F2: variants seen among roughly 807,000 people sequenced by gnomAD.
F2 encodes the protein coagulation factor II, thrombin.
A neutral mutation model predicts 81.9 loss-of-function variants in F2; 34 were observed. The observed-to-expected ratio is 0.42, with a 90% CI of 0.32 to 0.55. The LOEUF (loss-of-function observed/expected upper bound fraction) is 0.55. Ranked by LOEUF, F2 falls within the 20% of genes least tolerant of loss-of-function variation. F2 has a pLI of 0.18. For missense variants in F2, 630 were observed against 833.4 expected, an observed-to-expected ratio of 0.76 and a Z score of 3.00; for synonymous variants, 296 against 326.4, an observed-to-expected ratio of 0.91 and a Z score of 1.01.
chr11:46,729,601 C>G, intron 12 of F2, 40 bp downstream of exon 12: 1 of 1,596,790 alleles, frequency 6.3e-7, no homozygotes, highest in South Asian at 1.1e-5. Flanking sequence ...CAGTGGGGCC[C>G]AAGCTGGGAG....
At chr11:46,730,798 A>G (rs2064906279) in intron 12 of F2, among the ~76,000 whole-genome samples, 1 of 150,850 alleles carries the variant, frequency 6.6e-6, no homozygotes, top group African/African-American at 2.4e-5. Flanking sequence ...ATATATATAT[A>G]TGCATAGTTT....
At chr11:46,727,514 A>T (rs908049974) in intron 9 of F2, among the ~76,000 whole-genome samples, 52 of 152,022 alleles carry the variant, frequency 3.4e-4, no homozygotes, top group African/African-American at 1.2e-3. Context: ...GCAGTGGCTC[A>T]CCCCTGTAAT....
At chr11:46,724,918 G>A (rs1406862956) in intron 6 of F2, among the ~76,000 whole-genome samples, 1 of 150,534 alleles carries the variant, frequency 6.6e-6, no homozygotes, top group Non-Finnish European at 1.5e-5. Context: ...TTACAGGCGT[G>A]TGCCACCACT....
chr11:46,720,147 C>T (rs1027864861), intron 2 of F2: 54 of 559,168 alleles, frequency 9.7e-5, no homozygotes, highest in African/African-American at 1.3e-4. Flanking sequence ...GCCTCCTCAG[C>T]GGCAGACTCC....
chr11:46,731,692 A>T (rs1207302413), intron 12 of F2, among the ~76,000 whole-genome samples: 1 of 151,868 alleles, frequency 6.6e-6, no homozygotes, highest in Admixed American at 6.6e-5. Context: ...CTGGCCCTGA[A>T]TCCGGGTTTG....
Position 46,719,599 on chromosome 11 carries a change from T to C in F2, c.80-103T>C. 1 of 1,460,552 alleles carries C rather than the reference T, an allele frequency of 6.8e-7. No individual in the cohort carries two copies. The highest frequency in any genetic ancestry group is 9.3e-7 in the Non-Finnish European group (1 of 1,074,906). 90.5% of individuals were successfully genotyped at this position (1,460,552 alleles called of 1,614,324 possible). On this transcript the variant is annotated intron_variant, in intron 1 of 13. Transcript: ENST00000311907. This position sits in a 1 kb window ranked among gnomAD's most constrained non-coding sequence, Gnocchi z 4.7. Reference sequence around the variant, plus strand: ...CTTCCACCAGCCCAGACAGCCTCTCTCAGAAGCCAGCAGGGGAGGGTGGGC... The same window carrying C: ...CTTCCACCAGCCCAGACAGCCTCTCCCAGAAGCCAGCAGGGGAGGGTGGGC...
In F2 at chr11:46,739,064, A is replaced by C. The variant is rs1429235359; in HGVS notation, c.1671A>C (p.Glu557Asp). The change falls in exon 13 of 14, where the codon GAA (glutamate) becomes GAC (aspartate). Residue 557 changes from glutamate to aspartate, a missense_variant. By Grantham distance (45) the Glu-to-Asp change is conservative. Coordinates refer to ENST00000311907, the MANE Select transcript of F2 (RefSeq NM_000506.5). ...TCTTTCAAGGTTACAAGCCTGATGA[A>C]GGGAAACGAGGGGATGCCTGTGAAG... Reference protein sequence around the residue: ...NMFCAGYKPDEGKRGDACEGD... With the variant: ...NMFCAGYKPDDGKRGDACEGD... 3 of 1,614,080 alleles carry C rather than the reference A, an allele frequency of 1.9e-6. No individual in the cohort carries two copies. In the Admixed American group the frequency reaches 5.0e-5, roughly 27 times the overall value.
Position 46,719,328 on chromosome 11 carries a change from T to A in F2, c.79+14T>A. The A allele has an allele frequency of 1.2e-6, 2 of 1,610,784 alleles. No homozygotes were observed. Among genetic ancestry groups the A allele is most frequent in the Non-Finnish European group, 1.7e-6 (2 of 1,179,002 alleles). Reference sequence around the variant, plus strand: ...ACAGCCAGCATGGTAAGGGAGTGCTTGCAGGCTGGAACAGGCTGGAGGACT... The same window carrying A: ...ACAGCCAGCATGGTAAGGGAGTGCTAGCAGGCTGGAACAGGCTGGAGGACT... On this transcript the variant is annotated intron_variant, in intron 1 of 13. Coordinates refer to ENST00000311907, the MANE Select transcript of F2 (RefSeq NM_000506.5). The surrounding 1 kb of genome is among the most constrained non-coding windows in gnomAD (Gnocchi z 4.7).
At chr11:46,720,242 G>A (rs746287586) in intron 2 of F2, 9 of 561,626 alleles carry the variant, frequency 1.6e-5, no homozygotes, top group African/African-American at 3.8e-5. Flanking sequence ...GCTCTGTGTC[G>A]CCTTTCCTGT....
intron 12 of F2, among the ~76,000 whole-genome samples, chr11:46,731,916 T>TG: frequency 7.9e-6 from 1 of 126,372 alleles, no homozygotes; most frequent in Admixed American, 7.7e-5. Context: ...TTTGATGTTT[T>TG]TTTTTTTTTT....
At chr11:46,732,734 T>A (rs184117126) in intron 12 of F2, among the ~76,000 whole-genome samples, 1 of 152,298 alleles carries the variant, frequency 6.6e-6, no homozygotes, top group African/African-American at 2.4e-5. Flanking sequence ...TTTCTGATGC[T>A]CAGATGATCC....
At position 46,726,869 on chromosome 11, in the gene F2, T is replaced by G; in HGVS notation, c.1130+32T>G. The stretch of plus-strand genomic sequence containing the variant: ...CCTGGAGCCCTGCGCTACCATTCAC[T>G]CCTGGGGGCAGGTGTGCTGCTGGAC... On this transcript the variant is annotated intron_variant, in intron 9 of 13. Coordinates refer to ENST00000311907, the MANE Select transcript of F2 (RefSeq NM_000506.5). This position sits in a 1 kb window ranked among gnomAD's most constrained non-coding sequence, Gnocchi z 5.9. 1 of 1,612,208 alleles carries G rather than the reference T, an allele frequency of 6.2e-7. No homozygotes were observed. The highest frequency in any genetic ancestry group is 1.3e-5 in the African/African-American group (1 of 75,048).
intron 12 of F2, among the ~76,000 whole-genome samples, chr11:46,738,409 C>G (rs1312857191): frequency 6.6e-6 from 1 of 152,134 alleles, no homozygotes. Flanking sequence ...TTATCCTCAT[C>G]AGACTTGTAG....
intron 9 of F2, among the ~76,000 whole-genome samples, chr11:46,727,533 T>C (rs1416188906): frequency 6.6e-6 from 1 of 152,042 alleles, no homozygotes; most frequent in East Asian, 1.9e-4. Flanking sequence ...ATCCCAGCAC[T>C]TTGGGAGGCC....
At chr11:46,727,866 A>C (rs1438062482) in intron 9 of F2, 130 bp from the exon 10 acceptor site, 1 of 1,053,844 alleles carries the variant, frequency 9.5e-7, no homozygotes, top group Non-Finnish European at 1.4e-6. Context: ...GGCCAGCCCA[A>C]GCTTGGATCT....
chr11:46,739,115 G>A lies in F2; in HGVS notation c.1722G>A (p.Met574Ile), dbSNP rs1177165969. 1 of 1,614,198 alleles carries A rather than the reference G, an allele frequency of 6.2e-7. No homozygotes were observed. Among genetic ancestry groups the A allele is most frequent in the Non-Finnish European group, 8.5e-7 (1 of 1,180,026 alleles). Reference sequence around the variant, plus strand: ...GTGACAGTGGGGGACCCTTTGTCATGAAGGTAAGCTTCTCTAAAGCCCAGG... The same window carrying A: ...GTGACAGTGGGGGACCCTTTGTCATAAAGGTAAGCTTCTCTAAAGCCCAGG... ...CEGDSGGPFVMKSPFNNRWYQ... is the reference protein window; with the variant it reads ...CEGDSGGPFVIKSPFNNRWYQ... Residue 574 changes from methionine to isoleucine, a missense_variant, in exon 13 of 14, where the codon ATG becomes ATA. Met to Ile is a conservative substitution (Grantham distance 10). Transcript: ENST00000311907.
At position 46,726,975 on chromosome 11, in the gene F2, C is replaced by CAG; in HGVS notation, c.1130+139_1130+140dup. 7.7e-7 allele frequency: 1 copy of CAG among 1,306,588 alleles called. No individual in the cohort carries two copies. Among genetic ancestry groups the CAG allele is most frequent in the South Asian group, 1.3e-5 (1 of 76,364 alleles). 80.9% of individuals were successfully genotyped at this position (1,306,588 alleles called of 1,614,324 possible). ...CATCCAGGATCCCACCAACTCCACA[C>CAG]AGCAGCCACATGAGATGGGTTGTTT... On this transcript the variant is annotated intron_variant, in intron 9 of 13. Transcript: ENST00000311907. This position sits in a 1 kb window ranked among gnomAD's most constrained non-coding sequence, Gnocchi z 5.9.
intron 12 of F2, among the ~76,000 whole-genome samples, 167 bp from the exon 13 acceptor site, chr11:46,738,881 A>AAG (rs1464541198): frequency 6.6e-6 from 1 of 152,196 alleles, no homozygotes; most frequent in Non-Finnish European, 1.5e-5. Context: ...GTCTATGCTG[A>AAG]AGGTAGAGCC....
rs925555829 is a variant in F2, at chr11:46,728,355, G to A, written c.1298+192G>A. Reference sequence around the variant, plus strand: ...GGCTTGGAGCTGCGGGGAGAAATCCGTCTGTCTCCTGGTCCCTCCAACACT... The same window carrying A: ...GGCTTGGAGCTGCGGGGAGAAATCCATCTGTCTCCTGGTCCCTCCAACACT... On this transcript the variant is annotated intron_variant, in intron 10 of 13. Transcript: ENST00000311907. This position sits in a 1 kb window ranked among gnomAD's most constrained non-coding sequence, Gnocchi z 5.1. Among the ~76,000 whole-genome samples the A allele has an allele frequency of 2.0e-5, 3 of 152,194 alleles. No individual in the cohort carries two copies. Among genetic ancestry groups the A allele is most frequent in the Non-Finnish European group, 4.4e-5 (3 of 68,018 alleles).
Sources: allele counts gnomAD v4.1 joint callset (sites outside exome capture counted in the v4.1 genomes callset), GRCh38; gene constraint gnomAD v4.1.1; non-coding constraint Gnocchi (gnomAD v3.1); transcripts MANE v1.5; gene names NCBI Gene and HGNC (gene_info 2026-07-23, HGNC 2026-07-21).